Variants in CSMD1 observed in about 807,000 individuals in gnomAD.
CSMD1 encodes CUB and Sushi multiple domains 1.
In CSMD1, 213 loss-of-function variants were observed where a neutral mutation model predicts 417.5. That is an observed-to-expected ratio of 0.51 (90% confidence interval 0.46 to 0.57). CSMD1 has a LOEUF of 0.57. Ranked by LOEUF, CSMD1 falls within the 20% of genes least tolerant of loss-of-function variation. The pLI, the probability that CSMD1 is intolerant of heterozygous loss-of-function variation, is 0.00. For synonymous variants in CSMD1, 2,862 were observed against 1,736.8 expected, an observed-to-expected ratio of 1.65 and a Z score of -16.11; for missense variants, 6,923 against 4,529.7, an observed-to-expected ratio of 1.53 and a Z score of -15.17.
intron 5 of CSMD1, among the ~76,000 whole-genome samples, chr8:3,943,817 A>G (rs1024630652): frequency 1.3e-5 from 2 of 152,064 alleles, no homozygotes; most frequent in African/African-American, 4.8e-5. Flanking sequence ...TTACTCTCCA[A>G]AAGTGTAAAG....
chr8:4,689,268 A>T (rs1806600947), intron 1 of CSMD1, among the ~76,000 whole-genome samples: 2 of 152,206 alleles, frequency 1.3e-5, no homozygotes, highest in African/African-American at 4.8e-5. Context: ...AACAAAGTTC[A>T]CCAGCTCCCT....
In CSMD1 at chr8:3,574,983, G is replaced by T. The variant is rs1307539158; in HGVS notation, c.1306C>A (p.His436Asn). 1 of 1,612,952 alleles carries T rather than the reference G, an allele frequency of 6.2e-7. No homozygotes were observed. Among genetic ancestry groups the T allele is most frequent in the Non-Finnish European group, 8.5e-7 (1 of 1,179,778 alleles). ...NYPVQYEDNA[H>N]CVWVITTTDP... ...GTGGTGGTGATGACCCACACACAGT[G>T]TGCATTATCTTCATACTGAACCGGA... Residue 436 changes from histidine (H) to asparagine (N), a missense_variant, in exon 10 of 70, where the codon CAC becomes AAC. Coordinates refer to ENST00000635120, the MANE Select transcript of CSMD1 (RefSeq NM_033225.6).
rs551790637 is a variant in CSMD1 at position 4,894,255 on chromosome 8, T to G, written c.85+100077A>C. On this transcript the variant is annotated intron_variant, in intron 1 of 69. Coordinates refer to ENST00000635120, the MANE Select transcript of CSMD1 (RefSeq NM_033225.6). ...ATTTGAAGAATAAGCTTTGATCTTT[T>G]ACCTATCAAGTCTTTTGTTTTGCTT... 2.6e-5 allele frequency among the ~76,000 whole-genome samples: 4 copies of G among 152,124 alleles called. 1 individual carries two copies. The highest frequency in any genetic ancestry group is 9.7e-5 in the African/African-American group (4 of 41,396).
At chr8:3,774,518 T>C (rs557616781) in intron 5 of CSMD1, among the ~76,000 whole-genome samples, 1 of 152,170 alleles carries the variant, frequency 6.6e-6, no homozygotes, top group East Asian at 1.9e-4. Context: ...AGATGCTGAA[T>C]ACATGAATTG....
At chr8:4,062,735 A>C (rs959960236) in intron 3 of CSMD1, among the ~76,000 whole-genome samples, 3 of 141,714 alleles carry the variant, frequency 2.1e-5, no homozygotes, top group South Asian at 2.2e-4. Context: ...TATCAAATTC[A>C]AAAAAAAAAA....
chr8:4,869,172 T>G (rs763086336), intron 1 of CSMD1, among the ~76,000 whole-genome samples: 4 of 152,008 alleles, frequency 2.6e-5, no homozygotes, highest in Non-Finnish European at 5.9e-5. Flanking sequence ...GTAATAAATA[T>G]GGCAATAATA....
At chr8:3,616,508 G>A (rs528652418) in intron 8 of CSMD1, among the ~76,000 whole-genome samples, 30 of 151,936 alleles carry the variant, frequency 2.0e-4, no homozygotes, top group African/African-American at 7.0e-4. Context: ...GTGTGAGAAG[G>A]GACTAATACA....
intron 49 of CSMD1, among the ~76,000 whole-genome samples, chr8:3,053,651 G>C (rs982508556): frequency 1.3e-5 from 2 of 152,106 alleles, no homozygotes; most frequent in African/African-American, 4.8e-5. Flanking sequence ...ACAAGATTTG[G>C]GGAGAATTCT....
intron 10 of CSMD1, among the ~76,000 whole-genome samples, chr8:3,554,126 T>C (rs1302744625): frequency 2.6e-5 from 4 of 152,372 alleles, no homozygotes; most frequent in African/African-American, 7.2e-5. Context: ...TCTAAGCTCA[T>C]GCCTTTTATA....
chr8:4,519,361 G>C (rs567661511), intron 2 of CSMD1, among the ~76,000 whole-genome samples: 7 of 151,920 alleles, frequency 4.6e-5, no homozygotes, highest in East Asian at 1.9e-4. Flanking sequence ...AAAAAGAAAA[G>C]AATCAAAATG....
chr8:4,053,371 A>T (rs765029191), intron 3 of CSMD1, among the ~76,000 whole-genome samples: 1 of 151,938 alleles, frequency 6.6e-6, no homozygotes, highest in Non-Finnish European at 1.5e-5. Flanking sequence ...AATTCTCTAC[A>T]GACAGTGTGT....
At chr8:3,154,928 C>CTAGTGATT (rs1819425498) in intron 39 of CSMD1, among the ~76,000 whole-genome samples, 6 of 152,036 alleles carry the variant, frequency 3.9e-5, no homozygotes, top group African/African-American at 1.4e-4. Flanking sequence ...CTAACAGCTA[C>CTAGTGATT]AAAAAACCTT....
At chr8:3,805,310 C>G (rs991575175) in intron 5 of CSMD1, among the ~76,000 whole-genome samples, 2 of 152,128 alleles carry the variant, frequency 1.3e-5, no homozygotes, top group Non-Finnish European at 2.9e-5. Context: ...CACCAGGACA[C>G]CAGCCTCAAA....
intron 10 of CSMD1, among the ~76,000 whole-genome samples, chr8:3,557,645 T>G (rs990040459): frequency 6.6e-6 from 1 of 152,188 alleles, no homozygotes; most frequent in Admixed American, 6.5e-5. Context: ...ATCTCCTGCC[T>G]TCTGCGGAAA....
chr8:3,814,625 G>T (rs73504741), intron 5 of CSMD1, among the ~76,000 whole-genome samples: 1 of 152,086 alleles, frequency 6.6e-6, no homozygotes, highest in Admixed American at 6.6e-5. Context: ...CACACAGAAC[G>T]GCCTCCCAAA....
intron 2 of CSMD1, among the ~76,000 whole-genome samples, chr8:4,441,877 A>C (rs1798503789): frequency 6.6e-6 from 1 of 152,228 alleles, no homozygotes; most frequent in East Asian, 1.9e-4. Flanking sequence ...GAGTTATTTT[A>C]AAGTATGCTG....
At chr8:4,873,999 A>C (rs6558929) in intron 1 of CSMD1, among the ~76,000 whole-genome samples, 36 of 152,018 alleles carry the variant, frequency 2.4e-4, no homozygotes. Context: ...AATAACCACT[A>C]TATGTGTTGT....
intron 7 of CSMD1, among the ~76,000 whole-genome samples, chr8:3,704,144 G>A (rs1419625310): frequency 2.6e-5 from 4 of 152,102 alleles, no homozygotes; most frequent in Admixed American, 6.5e-5. Context: ...TGTGGCAGAA[G>A]AAAAAAACCA....
At chr8:3,620,198 C>A (rs1032330490) in intron 7 of CSMD1, among the ~76,000 whole-genome samples, 3 of 152,050 alleles carry the variant, frequency 2.0e-5, no homozygotes, top group African/African-American at 7.2e-5. Context: ...GGAAAACCAT[C>A]CTTCAAAAAT....
Sources: allele counts gnomAD v4.1 joint callset (sites outside exome capture counted in the v4.1 genomes callset), GRCh38; gene constraint gnomAD v4.1.1; transcripts MANE v1.5; gene names NCBI Gene and HGNC (gene_info 2026-07-23, HGNC 2026-07-21).